The following FUT2 variants were observed in gnomAD, a reference collection of about 807,000 sequenced individuals.
FUT2 encodes the protein galactoside alpha-(1,2)-fucosyltransferase 2.
For missense variants in FUT2, 419 were observed against 465.8 expected (o/e 0.90, Z 0.93); for synonymous variants, 182 against 193.1 (o/e 0.94, Z 0.48).
At chr19:48,702,267 C>T (rs759111680) in intron 1 of FUT2, among the ~76,000 whole-genome samples, 5 of 151,850 alleles carry the variant, frequency 3.3e-5, no homozygotes, top group African/African-American at 7.3e-5. Context: ...GTTAGCTGGG[C>T]GTGGTGATGT....
chr19:48,699,704 C>A (rs1292574317), intron 1 of FUT2, among the ~76,000 whole-genome samples: 1 of 152,026 alleles, frequency 6.6e-6, no homozygotes, highest in Non-Finnish European at 1.5e-5. Context: ...GTCACTTGCC[C>A]AAAATCACAC....
In FUT2 at chr19:48,703,728, G is replaced by A. The variant is rs602662; in HGVS notation, c.772G>A (p.Gly258Ser). ...WCRENIDTSHGDVVFAGDGIE... is the reference protein window; with the variant it reads ...WCRENIDTSHSDVVFAGDGIE... ...TCGGGAGAACATTGACACCTCCCAC[G>A]GTGATGTGGTGTTTGCTGGCGATGG... The change falls in exon 2 of 2, where the codon GGT (glycine) becomes AGT (serine). Residue 258 changes from glycine (G) to serine (S), a missense_variant. Gly to Ser is a moderately conservative substitution (Grantham distance 56). Transcript: ENST00000425340. 0.48 allele frequency: 778,123 copies of A among 1,613,236 alleles called. 199,138 individuals are homozygous for A. The highest frequency in any genetic ancestry group is 0.54 in the Middle Eastern group (3,285 of 6,060).
rs908955426 is a variant in FUT2 at position 48,704,989 on chromosome 19, G to A, written c.*1001G>A. On this transcript the variant is annotated 3_prime_UTR_variant, in exon 2 of 2. Transcript: ENST00000425340. ...GGGGTTGTGTAGGTTGTTCACTGCA[G>A]GAAGTCCCCTGGTTAAGAAGGCAAG... 6 of 410,850 alleles carry A rather than the reference G, an allele frequency of 1.5e-5. No individual in the cohort carries two copies. Among genetic ancestry groups the A allele is most frequent in the Non-Finnish European group, 2.7e-5 (6 of 225,266 alleles). The allele number at this position is 410,850 out of a possible 1,614,324, so 25.5% of individuals were successfully genotyped here.
rs776678286 is a variant in FUT2 at position 48,703,285 on chromosome 19, C to T, written c.329C>T (p.Thr110Ile). The change falls in exon 2 of 2, where the codon ACC becomes ATC. Residue 110 changes from threonine to isoleucine, a missense_variant. Transcript: ENST00000425340. ...HSTLAPIFRI[T>I]LPVLHSATAS... ...ACCCTGGCCCCCATCTTCAGAATCA[C>T]CCTGCCGGTGCTGCACAGCGCCACG... 7.4e-6 allele frequency: 12 copies of T among 1,612,918 alleles called. No individual in the cohort carries two copies. The East Asian group carries it at 2.5e-4, about 33-fold the overall frequency.
At chr19:48,696,284 G>A in intron 1 of FUT2, 195 bp downstream of exon 1, 1 of 152,330 alleles carries the variant, frequency 6.6e-6, no homozygotes, top group Non-Finnish European at 1.5e-5. Flanking sequence ...CCAGCCAGCC[G>A]CCCTCCTTAG....
At chr19:48,698,630 C>T (rs1265581468) in intron 1 of FUT2, among the ~76,000 whole-genome samples, 4 of 151,880 alleles carry the variant, frequency 2.6e-5, no homozygotes, top group African/African-American at 9.7e-5. Flanking sequence ...TTAGTAGCGA[C>T]GGGGTTTCTC....
rs747706140 is a variant in FUT2, at chr19:48,703,135, T to C, written c.179T>C (p.Leu60Pro). ...TCAAAGGCACTGGGACCCAGCCAGC[T>C]CAGGGGGATGTGGACGATCAATGCA... Reference protein sequence around the residue: ...STSKALGPSQLRGMWTINAIG... With the variant: ...STSKALGPSQPRGMWTINAIG... The change falls in exon 2 of 2, where the codon CTC (leucine) becomes CCC (proline). Residue 60 changes from leucine to proline, a missense_variant. Leu to Pro is a moderately conservative substitution (Grantham distance 98). Coordinates refer to ENST00000425340, the MANE Select transcript of FUT2 (RefSeq NM_000511.6). 1 of 1,613,450 alleles carries C rather than the reference T, an allele frequency of 6.2e-7. No individual in the cohort carries two copies. Among genetic ancestry groups the C allele is most frequent in the Non-Finnish European group, 8.5e-7 (1 of 1,180,014 alleles).
At chr19:48,702,187 G>A (rs1325798273) in intron 1 of FUT2, among the ~76,000 whole-genome samples, 1 of 151,946 alleles carries the variant, frequency 6.6e-6, no homozygotes, top group East Asian at 1.9e-4. Context: ...GATCACTTGG[G>A]CCTAGGAGTT....
rs1377671173 is a variant in FUT2 at position 48,696,020 on chromosome 19, A to G, written c.-72A>G. On this transcript the variant is annotated 5_prime_UTR_variant, in exon 1 of 2. Transcript: ENST00000425340. ...TTTGGCCCTGAGTGAAGAGAGACCC[A>G]GAGGGAACACTGAGGTGCCTGCCCA... 6.6e-6 allele frequency: 1 copy of G among 152,462 alleles called. No individual in the cohort carries two copies. The highest frequency in any genetic ancestry group is 1.5e-5 in the Non-Finnish European group (1 of 68,210). 9.4% of individuals were successfully genotyped at this position (152,462 alleles called of 1,614,324 possible). A position where few individuals can be genotyped will look rare whatever the true frequency, so the allele number is the denominator to read the frequency against.
chr19:48,699,091 A>C (rs563888440), intron 1 of FUT2, among the ~76,000 whole-genome samples: 4 of 151,852 alleles, frequency 2.6e-5, no homozygotes, highest in Middle Eastern at 3.4e-3. Context: ...CCTACAGTAA[A>C]AGGTTAACAG....
At chr19:48,700,127 T>C (rs1249137725) in intron 1 of FUT2, among the ~76,000 whole-genome samples, 1 of 116,004 alleles carries the variant, frequency 8.6e-6, no homozygotes, top group Non-Finnish European at 1.6e-5. Context: ...CACTCCAGCC[T>C]GGGTGACAGA....
At chr19:48,696,802 G>A (rs536287098) in intron 1 of FUT2, among the ~76,000 whole-genome samples, 4 of 152,264 alleles carry the variant, frequency 2.6e-5, no homozygotes, top group South Asian at 2.1e-4. Context: ...CCCGGGGCAC[G>A]GGGCGGTTGG....
Position 48,705,860 on chromosome 19 carries a change from A to C in FUT2, c.*1872A>C, listed in dbSNP as rs1025630444. On this transcript the variant is annotated 3_prime_UTR_variant, in exon 2 of 2. Coordinates refer to ENST00000425340, the MANE Select transcript of FUT2 (RefSeq NM_000511.6). ...GTGCACCGTGATTGGACTTGCGAAT[A>C]GCCACTGCACTGCGGCCTGGACGAC... is the stretch of plus-strand genomic sequence containing the variant. 6.0e-6 allele frequency: 1 copy of C among 166,692 alleles called. No individual in the cohort carries two copies. The highest frequency in any genetic ancestry group is 6.6e-5 in the Admixed American group (1 of 15,234). The allele number at this position is 166,692 out of a possible 1,614,324, so 10.3% of individuals were successfully genotyped here.
At chr19:48,700,852 A>G (rs2122215579) in intron 1 of FUT2, among the ~76,000 whole-genome samples, 1 of 152,194 alleles carries the variant, frequency 6.6e-6, no homozygotes, top group African/African-American at 2.4e-5. Flanking sequence ...GATAGGAGGC[A>G]AAAGAAATGA....
At chr19:48,697,143 C>G (rs1037669569) in intron 1 of FUT2, among the ~76,000 whole-genome samples, 11 of 150,504 alleles carry the variant, frequency 7.3e-5, no homozygotes, top group Non-Finnish European at 7.4e-5. Flanking sequence ...GTCAGGAGTT[C>G]GAGACCAGTC....
chr19:48,703,772 C>T lies in FUT2; in HGVS notation c.816C>T (p.Ala272=). 6.2e-7 allele frequency: 1 copy of T among 1,613,584 alleles called. No individual in the cohort carries two copies. Among genetic ancestry groups the T allele is most frequent in the Non-Finnish European group, 8.5e-7 (1 of 1,180,004 alleles). Residue 272 remains alanine (A), a synonymous_variant, in exon 2 of 2, where the codon GCC becomes GCT. Coordinates refer to ENST00000425340, the MANE Select transcript of FUT2 (RefSeq NM_000511.6). The stretch of plus-strand genomic sequence containing the variant: ...GCGATGGCATTGAGGGCTCACCTGC[C>T]AAAGATTTTGCTCTACTCACACAGT... ...FAGDGIEGSP[A]KDFALLTQCN...
Position 48,703,583 on chromosome 19 carries a change from G to A in FUT2, c.627G>A (p.Met209Ile), listed in dbSNP as rs2032571854. Residue 209 changes from methionine (M) to isoleucine (I), a missense_variant, in exon 2 of 2, where the codon ATG (methionine) becomes ATA (isoleucine). Met to Ile is a conservative substitution (Grantham distance 10, BLOSUM62 1). Coordinates refer to ENST00000425340, the MANE Select transcript of FUT2 (RefSeq NM_000511.6). ...HVRRGDYVHV[M>I]PKVWKGVVAD... Reference sequence around the variant, plus strand: ...GCCGAGGGGACTATGTCCATGTCATGCCAAAAGTGTGGAAGGGGGTGGTGG... The same window carrying A: ...GCCGAGGGGACTATGTCCATGTCATACCAAAAGTGTGGAAGGGGGTGGTGG... The A allele has an allele frequency of 1.2e-6, 2 of 1,613,300 alleles. No homozygotes were observed. Among genetic ancestry groups the A allele is most frequent in the East Asian group, 2.2e-5 (1 of 44,896 alleles).
intron 1 of FUT2, among the ~76,000 whole-genome samples, chr19:48,700,568 T>G (rs1363851670): frequency 6.6e-6 from 1 of 151,972 alleles, no homozygotes; most frequent in South Asian, 2.1e-4. Context: ...CCTGACCTCA[T>G]GATCCGCCCG....
chr19:48,697,640 A>AATAC (rs1327067772), intron 1 of FUT2, among the ~76,000 whole-genome samples: 3 of 152,106 alleles, frequency 2.0e-5, no homozygotes, highest in African/African-American at 7.2e-5. Context: ...CAGCCCATGT[A>AATAC]ATACAGCATT....
Sources: gnomAD v4.1 joint callset for allele counts (sites outside exome capture counted in the v4.1 genomes callset) on GRCh38, gnomAD v4.1.1 for gene constraint, MANE v1.5 for transcripts, NCBI Gene and HGNC (gene_info 2026-07-23, HGNC 2026-07-21) for gene names.